The following MYH11 variants were observed in gnomAD, a reference collection of about 807,000 sequenced individuals.
MYH11 encodes myosin heavy chain 11.
A neutral mutation model predicts 246.6 loss-of-function variants in MYH11; 80 were observed. The observed-to-expected ratio is 0.32, with a 90% CI of 0.27 to 0.39. MYH11 has a LOEUF of 0.39. Ranked by LOEUF, MYH11 falls within the 10% of genes least tolerant of loss-of-function variation. MYH11 has a pLI of 1.00. For missense variants in MYH11, 2,158 were observed against 2,546.8 expected (o/e 0.85, Z 3.29); for synonymous variants, 1,071 against 1,015.5 (o/e 1.05, Z -1.04).
At position 15,760,595 on chromosome 16, in the gene MYH11, G is replaced by A; in HGVS notation, c.1193C>T (p.Thr398Ile). The change falls in exon 11 of 41, where the codon ACT becomes ATT. Residue 398 changes from threonine to isoleucine, a missense_variant. This residue lies in a region of MYH11 where 317 missense variants were observed against 507.7 expected (regional missense o/e 0.62). Transcript: ENST00000300036. ...NVTDFTRSILTPRIKVGRDVV... is the reference protein window; with the variant it reads ...NVTDFTRSILIPRIKVGRDVV... ...ATCTCGCCCAACCTTGATACGAGGA[G>A]TGAGGATGGATCTGGTGAAATCTGT... is the stretch of plus-strand genomic sequence containing the variant. 2 of 1,614,220 alleles carry A rather than the reference G, an allele frequency of 1.2e-6. No individual in the cohort carries two copies. The highest frequency in any genetic ancestry group is 1.7e-6 in the Non-Finnish European group (2 of 1,180,040).
chr16:15,807,293 T>C (rs1009297252), intron 3 of MYH11, among the ~76,000 whole-genome samples: 8 of 152,084 alleles, frequency 5.3e-5, no homozygotes, highest in Non-Finnish European at 2.9e-5. Context: ...GCACCGAGCT[T>C]CATGACTTGC....
Position 15,748,079 on chromosome 16 carries a change from G to A in MYH11, c.2148C>T (p.Pro716=), listed in dbSNP as rs757340546. The change falls in exon 17 of 41, where the codon CCC becomes CCT. Residue 716 remains proline, a synonymous_variant. Transcript: ENST00000300036. ...GGAACTCCTGGAAGACGATCCGGTT[G>A]GGGAAGCCCTGCCGGCAGATGCGAA... ...EGIRICRQGF[P]NRIVFQEFRQ... 4.3e-6 allele frequency: 7 copies of A among 1,614,198 alleles called. No homozygotes were observed. The South Asian group carries it at 5.5e-5, about 13-fold the overall frequency.
intron 1 of MYH11, among the ~76,000 whole-genome samples, chr16:15,850,610 T>C (rs544759870): frequency 2.0e-5 from 3 of 152,202 alleles, no homozygotes; most frequent in African/African-American, 4.8e-5. Context: ...CTAAATACCA[T>C]GCAGGGTTCA....
At chr16:15,725,935 T>A (rs953639127) in intron 28 of MYH11, 1 of 369,812 alleles carries the variant, frequency 2.7e-6, no homozygotes, top group African/African-American at 2.1e-5. Context: ...AAGCTCCCCC[T>A]CCAACCCCAC....
intron 22 of MYH11, 69 bp downstream of exon 22, chr16:15,741,394 C>T (rs2041266950): frequency 8.6e-6 from 13 of 1,517,942 alleles, no homozygotes; most frequent in Non-Finnish European, 1.1e-5. Flanking sequence ...CCTGGATGCA[C>T]CTCCACAGGC....
chr16:15,788,962 T>C (rs2042547489), intron 4 of MYH11, among the ~76,000 whole-genome samples: 1 of 151,962 alleles, frequency 6.6e-6, no homozygotes. Flanking sequence ...CTGGGCAACA[T>C]AGCAAGATCC....
Position 15,808,118 on chromosome 16 carries a change from A to G in MYH11, c.503-9431T>C, listed in dbSNP as rs535796731. On this transcript the variant is annotated intron_variant, in intron 3 of 40. Transcript: ENST00000300036. ...GTAAAGAAGAAAGGTCTCAGCCTCC[A>G]TTGCCTGCAGAAAAGTGGCTCTCTA... Among the ~76,000 whole-genome samples, 14 of 152,322 alleles carry G rather than the reference A, an allele frequency of 9.2e-5. No homozygotes were observed. The South Asian group carries it at 2.9e-3, about 32-fold the overall frequency.
intron 5 of MYH11, chr16:15,782,785 T>C: frequency 2.6e-6 from 1 of 389,796 alleles, no homozygotes. Context: ...GTCGGTGATG[T>C]CATTTACATC....
intron 1 of MYH11, among the ~76,000 whole-genome samples, chr16:15,843,993 C>A (rs1345321497): frequency 2.6e-5 from 4 of 152,056 alleles, no homozygotes; most frequent in African/African-American, 9.7e-5. Flanking sequence ...TACTAATTAA[C>A]CCTAACATCA....
At chr16:15,775,004 T>C (rs1462657527) in intron 8 of MYH11, among the ~76,000 whole-genome samples, 4 of 152,180 alleles carry the variant, frequency 2.6e-5, no homozygotes, top group African/African-American at 9.6e-5. Flanking sequence ...TTAACCAAAA[T>C]AACTAACCTT....
At chr16:15,718,933 G>A (rs573999927) in intron 36 of MYH11, 12 of 446,870 alleles carry the variant, frequency 2.7e-5, no homozygotes, top group African/African-American at 2.2e-4. Context: ...TTCAAGACTA[G>A]CCTGGCCAAC....
At chr16:15,710,478 G>T (rs774151336) in intron 40 of MYH11, among the ~76,000 whole-genome samples, 1 of 152,044 alleles carries the variant, frequency 6.6e-6, no homozygotes, top group Non-Finnish European at 1.5e-5. Context: ...CCGAGATCGC[G>T]CCACTGCACT....
At chr16:15,786,819 TCAC>T (rs1172817159) in intron 4 of MYH11, 87 bp from the exon 5 acceptor site, 1 of 1,183,218 alleles carries the variant, frequency 8.5e-7, no homozygotes, top group African/African-American at 1.5e-5. Context: ...ATAATGATCA[TCAC>T]CACCATTTCC....
chr16:15,788,282 T>G (rs2042525338), intron 4 of MYH11, among the ~76,000 whole-genome samples: 1 of 151,814 alleles, frequency 6.6e-6, no homozygotes, highest in African/African-American at 2.4e-5. Context: ...GTTTTTTGTG[T>G]TTCCTTTCTT....
chr16:15,754,572 C>A (rs918034696), intron 14 of MYH11, among the ~76,000 whole-genome samples: 2 of 152,166 alleles, frequency 1.3e-5, no homozygotes, highest in Non-Finnish European at 2.9e-5. Context: ...ACATATACCC[C>A]CTTGAATATA....
At chr16:15,833,434 G>A (rs554791767) in intron 2 of MYH11, among the ~76,000 whole-genome samples, 10 of 120,664 alleles carry the variant, frequency 8.3e-5, no homozygotes, top group East Asian at 2.0e-4. Flanking sequence ...TAACTAACTC[G>A]AGGCAGACGA....
At chr16:15,854,992 G>A (rs1396370271) in intron 1 of MYH11, among the ~76,000 whole-genome samples, 6 of 152,160 alleles carry the variant, frequency 3.9e-5, no homozygotes, top group Non-Finnish European at 7.3e-5. Flanking sequence ...ACCGGGCTGC[G>A]GTGCAAGGCT....
intron 27 of MYH11, among the ~76,000 whole-genome samples, chr16:15,731,531 G>A (rs1383913972): frequency 4.0e-5 from 6 of 149,604 alleles, no homozygotes; most frequent in Non-Finnish European, 7.4e-5. Context: ...TCACTCTGTC[G>A]CCCAGACTGG....
intron 28 of MYH11, chr16:15,725,454 A>G (rs2040706536): frequency 2.3e-6 from 1 of 431,382 alleles, no homozygotes; most frequent in Non-Finnish European, 4.0e-6. Flanking sequence ...CCTCACTCCT[A>G]CTCTTTGACC....
Sources: gnomAD v4.1 joint callset for allele counts (sites outside exome capture counted in the v4.1 genomes callset) on GRCh38, gnomAD v4.1.1 for gene constraint, gnomAD v4.1.1 regional missense constraint, MANE v1.5 for transcripts, NCBI Gene and HGNC (gene_info 2026-07-23, HGNC 2026-07-21) for gene names.